PCDHGA1: variants seen among roughly 807,000 people sequenced by gnomAD.
PCDHGA1 encodes protocadherin gamma subfamily A, 1, also known as protocadherin gamma-A1.
In PCDHGA1, 32 loss-of-function variants were observed where a neutral mutation model predicts 58.0. The ratio of observed to expected loss-of-function variants is 0.55; its 90% CI spans 0.42 to 0.74. The LOEUF (loss-of-function observed/expected upper bound fraction) is 0.74. Among genes scored for constraint, PCDHGA1 ranks in the 30% least tolerant of loss-of-function variants. The pLI is 0.00. For missense variants in PCDHGA1, 1,205 were observed against 1,182.3 expected (o/e 1.02, Z -0.28); for synonymous variants, 498 against 501.1 (o/e 0.99, Z 0.08).
chr5:141,485,866 C>T lies in PCDHGA1; in HGVS notation c.2422-8941C>T. The T allele has an allele frequency of 2.5e-6, 4 of 1,614,144 alleles. No individual in the cohort carries two copies. Among genetic ancestry groups the T allele is most frequent in the Non-Finnish European group, 3.4e-6 (4 of 1,180,014 alleles). On this transcript the variant is annotated intron_variant, in intron 1 of 3. Coordinates refer to ENST00000517417, the MANE Select transcript of PCDHGA1 (RefSeq NM_018912.3). The surrounding 1 kb of genome is among the most constrained non-coding windows in gnomAD (Gnocchi z 5.7). ...CTGGCACCGCAGAGCTCCGGGTATCCGTGCTGGACGTAAACGACAACGCCC... is the reference window on the plus strand; with the variant it reads ...CTGGCACCGCAGAGCTCCGGGTATCTGTGCTGGACGTAAACGACAACGCCC...
intron 1 of PCDHGA1, chr5:141,413,382 CAT>C (rs752944261): frequency 2.5e-6 from 4 of 1,613,998 alleles, no homozygotes; most frequent in Non-Finnish European, 3.4e-6. Flanking sequence ...GCGGAGTCCG[CAT>C]AGTCTCCAGA....
chr5:141,370,908 C>T (rs372602970), intron 1 of PCDHGA1: 1 of 1,614,028 alleles, frequency 6.2e-7, no homozygotes, highest in East Asian at 2.2e-5. Flanking sequence ...GCAGTACTAC[C>T]TCAGCCCTGA....
chr5:141,332,202 C>T lies in PCDHGA1; in HGVS notation c.1518C>T (p.Ser506=), dbSNP rs763862741. 1 of 1,614,224 alleles carries T rather than the reference C, an allele frequency of 6.2e-7. No individual in the cohort carries two copies. The highest frequency in any genetic ancestry group is 2.2e-5 in the East Asian group (1 of 44,876). The change falls in exon 1 of 4, where the codon TCC becomes TCT. Residue 506 remains serine, a synonymous_variant. Coordinates refer to ENST00000517417, the MANE Select transcript of PCDHGA1 (RefSeq NM_018912.3). The surrounding 1 kb of genome is among the most constrained non-coding windows in gnomAD (Gnocchi z 4.6). ...GGGCACCCCTATCTGCCTACCTCTCCATCAACTCCGACACTGGGGTCCTGT... is the reference window on the plus strand; with the variant it reads ...GGGCACCCCTATCTGCCTACCTCTCTATCAACTCCGACACTGGGGTCCTGT... ...IQGAPLSAYL[S]INSDTGVLYA...
At chr5:141,341,197 C>T (rs1278697431) in intron 1 of PCDHGA1, 4 of 1,614,072 alleles carry the variant, frequency 2.5e-6, no homozygotes, top group African/African-American at 2.7e-5. Flanking sequence ...ACTTTGTGGG[C>T]GTGGACGGGG....
At chr5:141,374,100 G>C (rs767728339) in intron 1 of PCDHGA1, 7 of 1,564,992 alleles carry the variant, frequency 4.5e-6, no homozygotes, top group Non-Finnish European at 6.1e-6. Flanking sequence ...CCTCCGCAGA[G>C]GCATCCGCAG....
chr5:141,367,766 A>G (rs1166226365), intron 1 of PCDHGA1: 1 of 152,176 alleles, frequency 6.6e-6, no homozygotes, highest in East Asian at 1.9e-4. Context: ...TGCACTCAAT[A>G]AATGTAAATA....
intron 1 of PCDHGA1, chr5:141,370,488 C>T (rs758506114): frequency 1.2e-6 from 2 of 1,613,906 alleles, no homozygotes; most frequent in Admixed American, 3.3e-5. Flanking sequence ...TCTCTCCGAA[C>T]CGATCCGCTA....
At position 141,356,674 on chromosome 5, in the gene PCDHGA1, G is replaced by T. The variant is rs182109278; in HGVS notation, c.2421+23569G>T. On this transcript the variant is annotated intron_variant, in intron 1 of 3. Transcript: ENST00000517417. ...CAATGCCCGAATCACTTACTCCCTG[G>T]CCGAAGACACCTTCCAGGGTGCACC... 76 of 1,613,934 alleles carry T rather than the reference G, an allele frequency of 4.7e-5. No individual in the cohort carries two copies. The East Asian group carries it at 1.6e-3, about 34-fold the overall frequency.
chr5:141,351,877 C>T (rs932577945), intron 1 of PCDHGA1: 1 of 1,613,314 alleles, frequency 6.2e-7, no homozygotes, highest in Non-Finnish European at 8.5e-7. Context: ...CCGCGCTCAG[C>T]GCCAACGTGA....
intron 1 of PCDHGA1, chr5:141,374,106 C>T (rs377211748): frequency 1.1e-5 from 17 of 1,572,446 alleles, no homozygotes; most frequent in South Asian, 3.5e-5. Flanking sequence ...CAGAGGCATC[C>T]GCAGCGCAGC....
intron 3 of PCDHGA1, among the ~76,000 whole-genome samples, chr5:141,506,190 C>T (rs1313145580): frequency 6.6e-6 from 1 of 152,180 alleles, no homozygotes; most frequent in Non-Finnish European, 1.5e-5. Flanking sequence ...GTGGCTCACG[C>T]CTGTAATCCC....
At chr5:141,395,374 T>A in intron 1 of PCDHGA1, 1 of 1,187,898 alleles carries the variant, frequency 8.4e-7, no homozygotes. Context: ...ATTTTGGTGG[T>A]GTTACTATAA....
intron 1 of PCDHGA1, chr5:141,418,849 G>T (rs1479117344): frequency 1.5e-5 from 25 of 1,613,886 alleles, no homozygotes; most frequent in Non-Finnish European, 1.8e-5. Context: ...TCTCAACACG[G>T]TGTAAAGTAA....
At chr5:141,499,423 GA>G (rs1229901490) in intron 2 of PCDHGA1, among the ~76,000 whole-genome samples, 3 of 151,756 alleles carry the variant, frequency 2.0e-5, no homozygotes, top group Non-Finnish European at 2.9e-5. Flanking sequence ...ATGAAAAATA[GA>G]AAAAAAATTA....
intron 1 of PCDHGA1, chr5:141,409,571 TA>T: frequency 6.2e-7 from 1 of 1,613,932 alleles, no homozygotes; most frequent in Non-Finnish European, 8.5e-7. Flanking sequence ...CCAGACGTCC[TA>T]CGTGGTCCAC....
chr5:141,410,066 C>G, intron 1 of PCDHGA1: 1 of 1,612,912 alleles, frequency 6.2e-7, no homozygotes, highest in Non-Finnish European at 8.5e-7. Context: ...CCTGGGGCTG[C>G]GCACTGGGGA....
chr5:141,413,024 C>G, intron 1 of PCDHGA1: 1 of 736,254 alleles, frequency 1.4e-6, no homozygotes, highest in Non-Finnish European at 2.1e-6. Context: ...ACAAGCCCCA[C>G]AAACCGGCTG....
intron 1 of PCDHGA1, chr5:141,352,369 G>A (rs376653934): frequency 5.0e-6 from 8 of 1,614,054 alleles, no homozygotes; most frequent in Non-Finnish European, 5.1e-6. Flanking sequence ...TCCTCGCGGT[G>A]ATTCTAGCGA....
intron 1 of PCDHGA1, chr5:141,384,793 C>T (rs1780512284): frequency 1.9e-6 from 3 of 1,613,400 alleles, no homozygotes; most frequent in Non-Finnish European, 2.5e-6. Flanking sequence ...GGCTCGGGCC[C>T]TGCTGGACAG....
Sources: allele counts gnomAD v4.1 joint callset (sites outside exome capture counted in the v4.1 genomes callset), GRCh38; gene constraint gnomAD v4.1.1; non-coding constraint Gnocchi (gnomAD v3.1); transcripts MANE v1.5; gene names NCBI Gene and HGNC (gene_info 2026-07-23, HGNC 2026-07-21).